The following TSHR variants were observed in gnomAD, a reference collection of about 807,000 sequenced individuals.
TSHR encodes the protein thyroid stimulating hormone receptor, also known as thyrotropin receptor.
In TSHR, 51 loss-of-function variants were observed where a neutral mutation model predicts 64.1. The observed-to-expected ratio is 0.80, with a 90% CI of 0.64 to 1.01. TSHR has a LOEUF of 1.01. Among genes scored for constraint, TSHR ranks in the 50% least tolerant of loss-of-function variants. The pLI, the probability that TSHR is intolerant of heterozygous loss-of-function variation, is 0.00. For missense variants in TSHR, 877 were observed against 942.8 expected (o/e 0.93, Z 0.91); for synonymous variants, 361 against 361.9 (o/e 1.00, Z 0.03).
intron 1 of TSHR, chr14:80,982,461 T>C: frequency 8.8e-7 from 1 of 1,133,856 alleles, no homozygotes; most frequent in Non-Finnish European, 1.2e-6. Flanking sequence ...CTGGGGCCAG[T>C]TGCAAACCTA....
intron 1 of TSHR, among the ~76,000 whole-genome samples, chr14:81,039,729 C>CA (rs943330964): frequency 1.7e-4 from 26 of 150,926 alleles, no homozygotes; most frequent in African/African-American, 5.3e-4. Context: ...ACAACAGTTA[C>CA]AAAAAAAAGA....
intron 1 of TSHR, among the ~76,000 whole-genome samples, chr14:80,996,999 C>T (rs1889057516): frequency 6.6e-6 from 1 of 152,192 alleles, no homozygotes; most frequent in Non-Finnish European, 1.5e-5. Flanking sequence ...ATTACTACTA[C>T]TACTACCACC....
intron 1 of TSHR, among the ~76,000 whole-genome samples, chr14:81,010,539 T>C (rs534852415): frequency 1.6e-4 from 24 of 152,226 alleles, no homozygotes; most frequent in Admixed American, 1.6e-3. Context: ...TTTTTGCTGG[T>C]ATATATGAGC....
At chr14:81,099,176 C>A (rs1013046123) in intron 7 of TSHR, among the ~76,000 whole-genome samples, 10 of 152,094 alleles carry the variant, frequency 6.6e-5, no homozygotes, top group African/African-American at 2.2e-4. Context: ...GAGCAAAAGT[C>A]AAGAACTACT....
intron 1 of TSHR, among the ~76,000 whole-genome samples, chr14:80,990,747 T>C (rs1313671270): frequency 6.6e-6 from 1 of 152,090 alleles, no homozygotes; most frequent in Non-Finnish European, 1.5e-5. Context: ...CTCCGCCTCC[T>C]GGGTTCAAGC....
In TSHR at chr14:80,967,283, ATTT is replaced by A. The variant is rs35619720; in HGVS notation, c.170+11451_170+11453del. Among the ~76,000 whole-genome samples, 235 of 111,876 alleles carry A rather than the reference ATTT, an allele frequency of 2.1e-3. 1 individual carries two copies. The highest frequency in any genetic ancestry group is 7.2e-3 in the African/African-American group (229 of 31,940). The allele number at this position is 111,876 out of a possible 152,430, so 73.4% of individuals were successfully genotyped here. A position where few individuals can be genotyped will look rare whatever the true frequency, so the allele number is the denominator to read the frequency against. On this transcript the variant is annotated intron_variant, in intron 1 of 9. Coordinates refer to ENST00000298171, the MANE Select transcript of TSHR (RefSeq NM_000369.5). ...CACACACAAGCAAGACCTGACTTAC[ATTT>A]TTTTTTTTTTTTTTTTTGAGACAGA... is the stretch of plus-strand genomic sequence containing the variant.
At position 81,079,446 on chromosome 14, in the gene TSHR, A is replaced by C. The variant is rs113810266; in HGVS notation, c.318-8508A>C. 9.3e-3 allele frequency among the ~76,000 whole-genome samples: 1,420 copies of C among 152,322 alleles called. 23 individuals are homozygous for C. Among genetic ancestry groups the C allele is most frequent in the African/African-American group, 0.032 (1,340 of 41,566 alleles). ...ATACATACCTTGCAGAGCTCTTGCC[A>C]AAGTTTTCTTAGCTAAGACATTTCA... On this transcript the variant is annotated intron_variant, in intron 3 of 9. Transcript: ENST00000298171.
intron 2 of TSHR, among the ~76,000 whole-genome samples, chr14:81,062,754 C>T (rs1886332051): frequency 6.6e-6 from 1 of 152,056 alleles, no homozygotes; most frequent in Non-Finnish European, 1.5e-5. Context: ...AGGGATTTTC[C>T]ATATTGGGTT....
chr14:80,967,166 T>TTATATATATATATGTATGTGTATATATA (rs1887358411), intron 1 of TSHR, among the ~76,000 whole-genome samples: 1 of 107,664 alleles, frequency 9.3e-6, no homozygotes, highest in Admixed American at 1.2e-4. Context: ...GAAAAAAAAA[T>TTATATATATATATGTATGTGTATATATA]TATATATATA....
chr14:81,012,863 T>A (rs1355040318), intron 1 of TSHR: 1 of 152,208 alleles, frequency 6.6e-6, no homozygotes, highest in Non-Finnish European at 1.5e-5. Flanking sequence ...ATGACTAGGT[T>A]GCGAAAATTT....
chr14:81,017,388 T>G (rs1397758426), intron 1 of TSHR, among the ~76,000 whole-genome samples: 1 of 152,072 alleles, frequency 6.6e-6, no homozygotes, highest in East Asian at 1.9e-4. Context: ...TCAGTAGAGC[T>G]CCCAGTAACT....
chr14:81,132,758 CCTCCAGCTTGTAGCTTTCTATCCATATGG>C (rs1270397080), intron 8 of TSHR, among the ~76,000 whole-genome samples: 1 of 152,024 alleles, frequency 6.6e-6, no homozygotes, highest in Non-Finnish European at 1.5e-5. Flanking sequence ...AGAGGGAAGC[CCTCCAGCTTGTAGCTTTCTATCCATATGG>C]CTACATCCAC....
In TSHR at chr14:81,091,135, C is replaced by T. The variant is rs1364872073; in HGVS notation, c.459C>T (p.Phe153=). 1 of 1,611,442 alleles carries T rather than the reference C, an allele frequency of 6.2e-7. No homozygotes were observed. The highest frequency in any genetic ancestry group is 8.5e-7 in the Non-Finnish European group (1 of 1,179,340). Residue 153 remains phenylalanine (F), a synonymous_variant, in exon 5 of 10, where the codon TTC becomes TTT. Transcript: ENST00000298171. ...CCAAAGTTTATTCCACTGATATATT[C>T]TTTATACTGTAAGTATGCACACATG... The part of the protein sequence containing the change: ...DLTKVYSTDI[F]FILEITDNPY...
intron 1 of TSHR, among the ~76,000 whole-genome samples, chr14:80,973,643 C>G (rs1594904449): frequency 6.6e-6 from 1 of 152,056 alleles, no homozygotes; most frequent in East Asian, 1.9e-4. Context: ...ATTCATAACT[C>G]TTTTAGAGTC....
intron 8 of TSHR, among the ~76,000 whole-genome samples, chr14:81,113,380 T>A (rs1487641735): frequency 6.6e-6 from 1 of 152,148 alleles, no homozygotes; most frequent in African/African-American, 2.4e-5. Context: ...GAAGTTAGTT[T>A]GAGGTCCCAT....
chr14:81,073,066 C>A, intron 3 of TSHR, among the ~76,000 whole-genome samples: 2 of 115,648 alleles, frequency 1.7e-5, no homozygotes, highest in Non-Finnish European at 3.7e-5. Context: ...CACACAGTAA[C>A]TAAAAGAAAA....
Position 81,003,422 on chromosome 14 carries a change from C to T in TSHR, c.170+47572C>T, listed in dbSNP as rs375756390. 3.3e-4 allele frequency: 56 copies of T among 170,226 alleles called. No homozygotes were observed. The East Asian group carries it at 5.2e-3, about 16-fold the overall frequency. The allele number at this position is 170,226 out of a possible 1,614,324, so 10.5% of individuals were successfully genotyped here. On this transcript the variant is annotated intron_variant, in intron 1 of 9. Coordinates refer to ENST00000298171, the MANE Select transcript of TSHR (RefSeq NM_000369.5). ...CCTATTTGCCTCCTGTGTCCAGCCC[C>T]ACCACTTGACCTGGGCACTACCAAT... is the stretch of plus-strand genomic sequence containing the variant.
At chr14:81,031,497 T>C (rs1884345677) in intron 1 of TSHR, among the ~76,000 whole-genome samples, 2 of 152,194 alleles carry the variant, frequency 1.3e-5, no homozygotes, top group South Asian at 2.1e-4. Flanking sequence ...AATAAATATA[T>C]TTTCAGGGAA....
intron 3 of TSHR, among the ~76,000 whole-genome samples, chr14:81,072,853 C>T (rs1252914358): frequency 2.9e-5 from 4 of 137,626 alleles, no homozygotes; most frequent in Admixed American, 1.4e-4. Context: ...AAAAATTAGC[C>T]GGGCGTAGTG....
Sources: gnomAD v4.1 joint callset for allele counts (sites outside exome capture counted in the v4.1 genomes callset) on GRCh38, gnomAD v4.1.1 for gene constraint, MANE v1.5 for transcripts, NCBI Gene and HGNC (gene_info 2026-07-23, HGNC 2026-07-21) for gene names.